Variants in ARMH3 observed in about 807,000 individuals in gnomAD.
ARMH3 encodes the protein armadillo-like helical domain-containing protein 3.
ARMH3 carries 60 observed loss-of-function variants against 99.1 expected under a neutral mutation model. The ratio of observed to expected loss-of-function variants is 0.61; its 90% CI spans 0.49 to 0.75. ARMH3 has a LOEUF of 0.75. Among genes scored for constraint, ARMH3 ranks in the 30% least tolerant of loss-of-function variants. The pLI, the probability that ARMH3 is intolerant of heterozygous loss-of-function variation, is 0.00. For synonymous variants in ARMH3, 285 were observed against 292.8 expected (o/e 0.97, Z 0.27); for missense variants, 679 against 843.1 (o/e 0.81, Z 2.41).
intron 23 of ARMH3, among the ~76,000 whole-genome samples, chr10:101,935,174 A>ATATATATATATATATATATATATATATAT (rs1843902399): frequency 1.0e-4 from 12 of 117,156 alleles, no homozygotes; most frequent in African/African-American, 3.8e-4. Context: ...AAGGTGGAGC[A>ATATATATATATATATATATATATATATAT]ATATATATAT....
At chr10:101,947,083 G>C (rs1047142177) in intron 22 of ARMH3, among the ~76,000 whole-genome samples, 2 of 152,006 alleles carry the variant, frequency 1.3e-5, no homozygotes, top group African/African-American at 4.8e-5. Context: ...AGCTACTCGG[G>C]AGGCTGAGGC....
At chr10:102,053,729 G>C (rs570700577) in intron 1 of ARMH3, among the ~76,000 whole-genome samples, 1 of 150,264 alleles carries the variant, frequency 6.7e-6, no homozygotes, top group Non-Finnish European at 1.5e-5. Flanking sequence ...GCACCATCCC[G>C]GCTCACTGCA....
At chr10:102,002,819 G>T (rs2066393291) in intron 14 of ARMH3, among the ~76,000 whole-genome samples, 1 of 151,730 alleles carries the variant, frequency 6.6e-6, no homozygotes, top group Non-Finnish European at 1.5e-5. Flanking sequence ...AAATTAGCTG[G>T]GCATGGTGGT....
chr10:101,896,072 A>C (rs1478887316), intron 23 of ARMH3, among the ~76,000 whole-genome samples: 1 of 150,340 alleles, frequency 6.7e-6, no homozygotes. Context: ...ACAAAATTAC[A>C]AAAAAAAAAT....
intron 1 of ARMH3, among the ~76,000 whole-genome samples, chr10:102,043,060 G>A (rs1165910707): frequency 6.6e-6 from 1 of 152,184 alleles, no homozygotes; most frequent in Non-Finnish European, 1.5e-5. Context: ...CAACAAGAGT[G>A]AAACTCCATC....
chr10:101,981,260 A>C (rs181677591), intron 19 of ARMH3, among the ~76,000 whole-genome samples: 104 of 152,334 alleles, frequency 6.8e-4, no homozygotes, highest in African/African-American at 2.4e-3. Flanking sequence ...GAAAAGAAGA[A>C]AGCAGAGAAA....
chr10:102,009,880 T>G, intron 12 of ARMH3, 97 bp downstream of exon 12: 3 of 1,184,324 alleles, frequency 2.5e-6, no homozygotes, highest in Non-Finnish European at 3.7e-6. Flanking sequence ...TATGATTCTG[T>G]AAAAGATTAG....
intron 1 of ARMH3, among the ~76,000 whole-genome samples, chr10:102,045,704 G>T (rs2067532661): frequency 6.6e-6 from 1 of 151,888 alleles, no homozygotes; most frequent in Non-Finnish European, 1.5e-5. Flanking sequence ...GCAGTAAATG[G>T]GACAATTATG....
At position 102,027,419 on chromosome 10, in the gene ARMH3, C is replaced by T. The variant is rs538213992; in HGVS notation, c.415-2171G>A. Among the ~76,000 whole-genome samples the T allele has an allele frequency of 2.6e-5, 4 of 151,968 alleles. No individual in the cohort carries two copies. The South Asian group carries it at 6.2e-4, about 24-fold the overall frequency. On this transcript the variant is annotated intron_variant, in intron 5 of 25. Coordinates refer to ENST00000370033, the MANE Select transcript of ARMH3 (RefSeq NM_024541.3). ...GGTAAAATTAGCTGAACTTGGTGATCATCTGGAGATAAAAGATGAGAAGTC... is the reference window on the plus strand; with the variant it reads ...GGTAAAATTAGCTGAACTTGGTGATTATCTGGAGATAAAAGATGAGAAGTC...
At chr10:102,049,541 C>G (rs2067642822) in intron 1 of ARMH3, among the ~76,000 whole-genome samples, 1 of 149,280 alleles carries the variant, frequency 6.7e-6, no homozygotes, top group Admixed American at 6.6e-5. Context: ...GACTCTGTTT[C>G]CAAAAAAAAA....
At chr10:102,034,486 AT>A (rs2067202590) in intron 2 of ARMH3, among the ~76,000 whole-genome samples, 1 of 151,756 alleles carries the variant, frequency 6.6e-6, no homozygotes, top group Non-Finnish European at 1.5e-5. Context: ...AATACAAAAA[AT>A]TAGCCGGGCG....
chr10:101,990,666 C>G, intron 18 of ARMH3, 55 bp from the exon 19 acceptor site: 1 of 1,445,148 alleles, frequency 6.9e-7, no homozygotes, highest in East Asian at 2.3e-5. Context: ...CATTTCTTGT[C>G]TTTGAGTTGG....
chr10:102,029,878 G>T, intron 4 of ARMH3, 133 bp from the exon 5 acceptor site: 1 of 920,494 alleles, frequency 1.1e-6, no homozygotes, highest in East Asian at 2.7e-5. Flanking sequence ...CCAAAACACA[G>T]TCTGAGTTTT....
chr10:101,856,370 C>A (rs2066737630), intron 24 of ARMH3, among the ~76,000 whole-genome samples: 1 of 152,172 alleles, frequency 6.6e-6, no homozygotes, highest in African/African-American at 2.4e-5. Flanking sequence ...GGTCTTTGAT[C>A]TTTAATTGGG....
At chr10:101,933,541 G>A (rs1283238438) in intron 23 of ARMH3, among the ~76,000 whole-genome samples, 1 of 152,178 alleles carries the variant, frequency 6.6e-6, no homozygotes, top group Non-Finnish European at 1.5e-5. Context: ...AATTCTAGCT[G>A]TAGTCTTAAG....
At chr10:101,996,140 T>C (rs1847044082) in intron 15 of ARMH3, among the ~76,000 whole-genome samples, 1 of 152,228 alleles carries the variant, frequency 6.6e-6, no homozygotes, top group Admixed American at 6.5e-5. Flanking sequence ...ATCAAGCTTA[T>C]GTTACTTTCC....
intron 15 of ARMH3, among the ~76,000 whole-genome samples, chr10:101,999,196 C>A (rs1213815652): frequency 7.0e-6 from 1 of 143,664 alleles, no homozygotes; most frequent in Admixed American, 7.0e-5. Flanking sequence ...AAAAAAAATC[C>A]TTTTTTTTTT....
chr10:101,995,620 G>T (rs1013854621), intron 15 of ARMH3, among the ~76,000 whole-genome samples: 2 of 152,034 alleles, frequency 1.3e-5, no homozygotes, highest in African/African-American at 2.4e-5. Flanking sequence ...ACTCACAATG[G>T]TTCCTACTGT....
At chr10:101,930,724 G>C (rs1193879496) in intron 23 of ARMH3, among the ~76,000 whole-genome samples, 6 of 152,072 alleles carry the variant, frequency 3.9e-5, no homozygotes, top group Admixed American at 6.5e-5. Flanking sequence ...TTGTGTCTCT[G>C]GTCCCTACTA....
Sources: gnomAD v4.1 joint callset for allele counts (sites outside exome capture counted in the v4.1 genomes callset) on GRCh38, gnomAD v4.1.1 for gene constraint, MANE v1.5 for transcripts, NCBI Gene and HGNC (gene_info 2026-07-23, HGNC 2026-07-21) for gene names.